Variants in CLTCL1 observed in about 807,000 individuals in gnomAD.
CLTCL1 encodes the protein clathrin heavy chain like 1.
CLTCL1 carries 159 observed loss-of-function variants against 190.0 expected under a neutral mutation model. That is an observed-to-expected ratio of 0.84 (90% CI 0.74 to 0.95). The LOEUF is 0.95. Ranked by LOEUF, CLTCL1 falls within the 40% of genes least tolerant of loss-of-function variation. CLTCL1 has a pLI of 0.00. For synonymous variants in CLTCL1, 752 were observed against 769.6 expected (o/e 0.98, Z 0.38); for missense variants, 1,878 against 2,033.4 (o/e 0.92, Z 1.47).
chr22:19,223,965 G>T lies in CLTCL1; in HGVS notation c.2218C>A (p.Gln740Lys). The T allele has an allele frequency of 6.2e-7, 1 of 1,613,974 alleles. No homozygotes were observed. Among genetic ancestry groups the T allele is most frequent in the Non-Finnish European group, 8.5e-7 (1 of 1,179,892 alleles). Reference protein sequence around the residue: ...KYIQAACKTGQIKEVERICRE... With the variant: ...KYIQAACKTGKIKEVERICRE... ...CATATCCTCTCCACCTCCTTGATCT[G>T]CCCTGTCTTACAGGCAGCCTGAATG... Residue 740 changes from glutamine to lysine, a missense_variant, in exon 14 of 33, where the codon CAG becomes AAG. Gln to Lys is a moderately conservative substitution (Grantham distance 53, BLOSUM62 1). Transcript: ENST00000427926.
At chr22:19,243,653 A>G (rs78642952) in intron 3 of CLTCL1, among the ~76,000 whole-genome samples, 13,029 of 151,106 alleles carry the variant, frequency 0.086, 968 homozygotes, top group East Asian at 0.42. Context: ...AGTAAGACTA[A>G]TATCTTTTAT....
At chr22:19,221,088 C>A (rs1260143702) in intron 17 of CLTCL1, among the ~76,000 whole-genome samples, 2 of 152,132 alleles carry the variant, frequency 1.3e-5, no homozygotes, top group East Asian at 3.9e-4. Context: ...CAGAGGAGCT[C>A]ACGAGTCAGG....
Position 19,179,641 on chromosome 22 carries a change from G to T in CLTCL1, c.*349C>A, listed in dbSNP as rs1006027924. 3.2e-5 allele frequency: 5 copies of T among 156,928 alleles called. No homozygotes were observed. The highest frequency in any genetic ancestry group is 7.1e-5 in the Non-Finnish European group (5 of 70,714). The allele number at this position is 156,928 out of a possible 1,614,324, so 9.7% of individuals were successfully genotyped here. A position where few individuals can be genotyped will look rare whatever the true frequency, so the allele number is the denominator to read the frequency against. ...CCAGGAGGAAGGCCTGGCTCCAGCA[G>T]GAGGGCCCACAGTCCAGTCTCTGTT... On this transcript the variant is annotated 3_prime_UTR_variant, in exon 33 of 33. Transcript: ENST00000427926.
chr22:19,220,817 A>C (rs2085544783), intron 17 of CLTCL1, among the ~76,000 whole-genome samples: 1 of 152,170 alleles, frequency 6.6e-6, no homozygotes, highest in Non-Finnish European at 1.5e-5. Context: ...ATACAATTCA[A>C]CCTAAACATG....
chr22:19,208,263 C>A lies in CLTCL1; in HGVS notation c.3491G>T (p.Gly1164Val), dbSNP rs1555944169. ...TTCAGTCTCTATATAGGACTCACGG[C>A]CCTTTTTCCTGGCCATCTGCAGAAA... ...VKFLQMARKKGRESYIETELI... is the reference protein window; with the variant it reads ...VKFLQMARKKVRESYIETELI... Residue 1164 changes from glycine to valine, a missense_variant, in exon 22 of 33, where the codon GGC becomes GTC. Physicochemically the swap from Gly to Val is moderately radical, Grantham distance 109 (BLOSUM62 -3). Coordinates refer to ENST00000427926, the MANE Select transcript of CLTCL1 (RefSeq NM_007098.4). 6.2e-7 allele frequency: 1 copy of A among 1,613,804 alleles called. No individual in the cohort carries two copies. The highest frequency in any genetic ancestry group is 1.7e-5 in the Admixed American group (1 of 60,028).
chr22:19,186,421 T>A (rs1771540), intron 29 of CLTCL1, among the ~76,000 whole-genome samples: 114,331 of 151,692 alleles, frequency 0.75, 44,367 homozygotes, highest in East Asian at 0.94. Context: ...CCTGTCTAGC[T>A]GATGCCCAGA....
At chr22:19,282,610 C>T (rs1214899539) in intron 1 of CLTCL1, among the ~76,000 whole-genome samples, 1 of 143,720 alleles carries the variant, frequency 7.0e-6, no homozygotes, top group Admixed American at 7.2e-5. Flanking sequence ...GCCTGGGCGA[C>T]AGAGCGAGAC....
At chr22:19,246,472 CTTCTT>C (rs200307289) in intron 3 of CLTCL1, among the ~76,000 whole-genome samples, 3,729 of 151,886 alleles carry the variant, frequency 0.025, 48 homozygotes, top group Non-Finnish European at 0.037. Flanking sequence ...ATTGCCAACA[CTTCTT>C]TTCTTTTCTT....
At chr22:19,238,215 A>T (rs1237427081) in intron 5 of CLTCL1, among the ~76,000 whole-genome samples, 1 of 151,950 alleles carries the variant, frequency 6.6e-6, no homozygotes, top group East Asian at 1.9e-4. Flanking sequence ...TCAGCATCCC[A>T]TGTAGCTGGG....
intron 2 of CLTCL1, among the ~76,000 whole-genome samples, chr22:19,260,640 A>G (rs2086910889): frequency 6.6e-6 from 1 of 151,858 alleles, no homozygotes. Context: ...TTAGCCGGGC[A>G]TGGTGGTGCA....
Position 19,226,231 on chromosome 22 carries a change from G to C in CLTCL1, c.1935C>G (p.Leu645=), listed in dbSNP as rs782256221. ...GGGTACACAGTACCTCGGGATTGAG[G>C]AGGTGAGTGTGGACCACAGCCCTCT... ...DIKRAVVHTH[L]LNPEWLVNFF... The change falls in exon 12 of 33, where the codon CTC becomes CTG. Residue 645 remains leucine, a synonymous_variant. Transcript: ENST00000427926. 2 of 1,613,858 alleles carry C rather than the reference G, an allele frequency of 1.2e-6. No individual in the cohort carries two copies. The highest frequency in any genetic ancestry group is 1.1e-5 in the South Asian group (1 of 91,060).
Position 19,196,475 on chromosome 22 carries a change from G to C in CLTCL1, c.4041+14C>G, listed in dbSNP as rs782684713. 1.2e-6 allele frequency: 2 copies of C among 1,614,026 alleles called. No homozygotes were observed. Among genetic ancestry groups the C allele is most frequent in the Non-Finnish European group, 1.7e-6 (2 of 1,179,858 alleles). On this transcript the variant is annotated intron_variant, in intron 25 of 32. Transcript: ENST00000427926. The stretch of plus-strand genomic sequence containing the variant: ...CGTGGCCACGGCTGCCAGACTGCAA[G>C]GAGTACACGGTACCTTTGGGATGTT...
chr22:19,202,056 A>G (rs1555939943), intron 22 of CLTCL1, among the ~76,000 whole-genome samples: 1 of 152,002 alleles, frequency 6.6e-6, no homozygotes, highest in Non-Finnish European at 1.5e-5. Flanking sequence ...TCTGCCTAGC[A>G]CTGCCCAGCT....
At chr22:19,261,424 T>G (rs1180774709) in intron 2 of CLTCL1, among the ~76,000 whole-genome samples, 1 of 152,220 alleles carries the variant, frequency 6.6e-6, no homozygotes, top group Non-Finnish European at 1.5e-5. Context: ...AAATACATTT[T>G]TAAAGGCTAC....
intron 2 of CLTCL1, chr22:19,258,242 T>C: frequency 5.8e-6 from 2 of 344,572 alleles, no homozygotes; most frequent in Non-Finnish European, 1.1e-5. Context: ...TGTCCAAATA[T>C]CAGGACCTTG....
chr22:19,263,796 A>G (rs2087032474), intron 2 of CLTCL1, among the ~76,000 whole-genome samples: 1 of 152,242 alleles, frequency 6.6e-6, no homozygotes, highest in African/African-American at 2.4e-5. Flanking sequence ...AGCATAGTAT[A>G]AACATAACTT....
intron 22 of CLTCL1, among the ~76,000 whole-genome samples, chr22:19,205,179 T>G (rs2085012382): frequency 1.3e-5 from 2 of 152,202 alleles, no homozygotes; most frequent in Non-Finnish European, 2.9e-5. Flanking sequence ...TTCACTGTCC[T>G]CATCAGTATT....
At chr22:19,265,233 A>T (rs2087083224) in intron 2 of CLTCL1, among the ~76,000 whole-genome samples, 2 of 152,214 alleles carry the variant, frequency 1.3e-5, no homozygotes, top group African/African-American at 4.8e-5. Context: ...TTTTGGACAT[A>T]ATTTAGGTGT....
chr22:19,188,211 G>A, intron 27 of CLTCL1, 120 bp from the exon 28 acceptor site: 1 of 842,188 alleles, frequency 1.2e-6, no homozygotes, highest in Non-Finnish European at 2.0e-6. Context: ...GGAGCCAAGG[G>A]CACCTTCTGG....
Sources: gnomAD v4.1 joint callset for allele counts (sites outside exome capture counted in the v4.1 genomes callset) on GRCh38, gnomAD v4.1.1 for gene constraint, MANE v1.5 for transcripts, NCBI Gene and HGNC (gene_info 2026-07-23, HGNC 2026-07-21) for gene names.